The following FNTA variants were observed in gnomAD, a reference collection of about 807,000 sequenced individuals.
FNTA encodes protein farnesyltransferase/geranylgeranyltransferase type-1 subunit alpha.
FNTA carries 27 observed loss-of-function variants against 55.2 expected under a neutral mutation model. That is an observed-to-expected ratio of 0.49 (90% CI 0.36 to 0.67). FNTA has a LOEUF of 0.67. Among genes scored for constraint, FNTA ranks in the 30% least tolerant of loss-of-function variants. The probability of loss-of-function intolerance (pLI) is 0.00; values close to 1 mark genes in which losing one functional copy is unlikely to be tolerated. For missense variants in FNTA, 422 were observed against 464.7 expected (o/e 0.91, Z 0.85); for synonymous variants, 176 against 170.7 (o/e 1.03, Z -0.24).
intron 3 of FNTA, among the ~76,000 whole-genome samples, chr8:43,069,222 TCTC>T (rs1282021215): frequency 1.3e-5 from 2 of 151,548 alleles, no homozygotes; most frequent in Admixed American, 6.6e-5. Flanking sequence ...TTCAAGCAAT[TCTC>T]CTGCCTCAGC....
chr8:43,067,088 T>C (rs1396528682), intron 3 of FNTA, among the ~76,000 whole-genome samples: 1 of 152,202 alleles, frequency 6.6e-6, no homozygotes, highest in Admixed American at 6.6e-5. Flanking sequence ...ACCCTTTAAC[T>C]CACCCTGCCT....
intron 1 of FNTA, among the ~76,000 whole-genome samples, chr8:43,058,356 A>G (rs191426099): frequency 6.6e-6 from 1 of 152,318 alleles, no homozygotes; most frequent in East Asian, 1.9e-4. Flanking sequence ...TGAGTAAATT[A>G]ATAGTACTTA....
Position 43,069,630 on chromosome 8 carries a change from T to A in FNTA, c.477T>A (p.Ile159=), listed in dbSNP as rs982963861. The A allele has an allele frequency of 6.2e-7, 1 of 1,613,054 alleles. No homozygotes were observed. The part of the protein sequence containing the change: ...HEEMNYITAI[I]EEQPKNYQVW... Reference sequence around the variant, plus strand: ...AAATGAACTACATCACTGCAATAATTGAGGAGCAGCCCAAAAACTATCAAG... The same window carrying A: ...AAATGAACTACATCACTGCAATAATAGAGGAGCAGCCCAAAAACTATCAAG... The change falls in exon 4 of 9, where the codon ATT becomes ATA. Residue 159 remains isoleucine (I), a synonymous_variant. Transcript: ENST00000302279.
chr8:43,085,505 A>T lies in FNTA; in HGVS notation c.*223A>T, dbSNP rs1405191686. 1 of 520,998 alleles carries T rather than the reference A, an allele frequency of 1.9e-6. No individual in the cohort carries two copies. The highest frequency in any genetic ancestry group is 2.9e-5 in the South Asian group (1 of 34,370). The allele number at this position is 520,998 out of a possible 1,614,324, so 32.3% of individuals were successfully genotyped here. A position where few individuals can be genotyped will look rare whatever the true frequency, so the allele number is the denominator to read the frequency against. On this transcript the variant is annotated 3_prime_UTR_variant, in exon 9 of 9. Transcript: ENST00000302279. ...AAAGTCATTGGATGGGAGGAGGAAG[A>T]AAAAGTCCCATAAAGGAACTTTTGT...
intron 3 of FNTA, among the ~76,000 whole-genome samples, chr8:43,064,567 G>A (rs118189625): frequency 0.015 from 2,340 of 152,160 alleles, 32 homozygotes; most frequent in Non-Finnish European, 0.022. Flanking sequence ...CACTCCCCGC[G>A]GCCTCCTAAA....
At chr8:43,072,483 T>G (rs889363318) in intron 5 of FNTA, among the ~76,000 whole-genome samples, 176 bp downstream of exon 5, 1 of 152,138 alleles carries the variant, frequency 6.6e-6, no homozygotes, top group Non-Finnish European at 1.5e-5. Context: ...CCCAGTACTT[T>G]GGGAGGCCAA....
intron 6 of FNTA, 34 bp downstream of exon 6, chr8:43,077,398 A>T: frequency 6.4e-7 from 1 of 1,568,002 alleles, no homozygotes; most frequent in Non-Finnish European, 8.7e-7. Flanking sequence ...CATTCGTTAC[A>T]AACATGTTTG....
intron 3 of FNTA, among the ~76,000 whole-genome samples, chr8:43,068,066 A>G (rs1462178801): frequency 6.6e-6 from 1 of 152,022 alleles, no homozygotes; most frequent in African/African-American, 2.4e-5. Flanking sequence ...TGCCCAGCTA[A>G]TTTTTTTGTA....
At chr8:43,066,111 T>A (rs986815110) in intron 3 of FNTA, among the ~76,000 whole-genome samples, 4 of 151,302 alleles carry the variant, frequency 2.6e-5, no homozygotes, top group African/African-American at 9.8e-5. Context: ...ATGTTGTATC[T>A]CCTCAATTTT....
At chr8:43,067,269 G>A (rs974959384) in intron 3 of FNTA, among the ~76,000 whole-genome samples, 3 of 152,096 alleles carry the variant, frequency 2.0e-5, no homozygotes, top group South Asian at 2.1e-4. Context: ...TTGGAAATAC[G>A]TCATACCTCT....
chr8:43,072,123 G>T, intron 4 of FNTA, 58 bp from the exon 5 acceptor site: 1 of 1,334,974 alleles, frequency 7.5e-7, no homozygotes, highest in South Asian at 2.0e-5. Context: ...ATGTGCAACT[G>T]ATATTTTAGT....
At chr8:43,074,889 C>T (rs1243550521) in intron 5 of FNTA, among the ~76,000 whole-genome samples, 1 of 152,102 alleles carries the variant, frequency 6.6e-6, no homozygotes, top group African/African-American at 2.4e-5. Context: ...TACCCCCACT[C>T]CTCCACCTGT....
chr8:43,075,070 TC>T (rs35201979), intron 5 of FNTA, among the ~76,000 whole-genome samples: 3 of 152,198 alleles, frequency 2.0e-5, no homozygotes, highest in Non-Finnish European at 2.9e-5. Flanking sequence ...TTTTATAACT[TC>T]CATGAGTCTG....
intron 4 of FNTA, 72 bp from the exon 5 acceptor site, chr8:43,072,109 C>G (rs1810806120): frequency 8.3e-7 from 1 of 1,208,416 alleles, no homozygotes; most frequent in Non-Finnish European, 1.1e-6. Context: ...GTCACCTTTA[C>G]AACATGTGCA....
intron 6 of FNTA, chr8:43,079,610 G>A (rs1364235733): frequency 6.6e-6 from 1 of 152,218 alleles, no homozygotes; most frequent in Non-Finnish European, 1.5e-5. Flanking sequence ...AGGAGATGCT[G>A]TTTTCATGCC....
chr8:43,066,543 G>A (rs1586655585), intron 3 of FNTA, among the ~76,000 whole-genome samples: 1 of 151,952 alleles, frequency 6.6e-6, no homozygotes, highest in Middle Eastern at 3.4e-3. Context: ...ACAGGCGTGA[G>A]CCACCTTGCC....
intron 1 of FNTA, among the ~76,000 whole-genome samples, chr8:43,057,550 T>G (rs1007608197): frequency 3.3e-5 from 5 of 152,164 alleles, no homozygotes; most frequent in African/African-American, 1.2e-4. Context: ...TGTCACGTCT[T>G]AGGTCATGAT....
At chr8:43,079,656 A>C (rs1810985256) in intron 6 of FNTA, 3 of 152,248 alleles carry the variant, frequency 2.0e-5, no homozygotes. Context: ...CCCATGGATA[A>C]AGGAGTCATT....
intron 4 of FNTA, 122 bp downstream of exon 4, chr8:43,069,781 AT>A: frequency 1.6e-6 from 1 of 628,136 alleles, no homozygotes; most frequent in Non-Finnish European, 2.8e-6. Flanking sequence ...GGTAGCTGGG[AT>A]TACAGGTGCA....
Sources: allele counts gnomAD v4.1 joint callset (sites outside exome capture counted in the v4.1 genomes callset), GRCh38; gene constraint gnomAD v4.1.1; transcripts MANE v1.5; gene names NCBI Gene and HGNC (gene_info 2026-07-23, HGNC 2026-07-21).